The following CES5A variants were observed in gnomAD, a reference collection of about 807,000 sequenced individuals.
The protein encoded by CES5A is carboxylesterase 5.
Under a neutral mutation model 62.9 loss-of-function variants are expected in CES5A, and 67 were observed. The ratio of observed to expected loss-of-function variants is 1.07; its 90% confidence interval spans 0.88 to 1.31. The LOEUF is 1.31. Ranked by LOEUF, CES5A falls within the 50% of genes most tolerant of loss-of-function variation. The probability of loss-of-function intolerance (pLI) is 0.00; values close to 1 mark genes in which losing one functional copy is unlikely to be tolerated. For synonymous variants in CES5A, 296 were observed against 280.8 expected (o/e 1.05, Z -0.54); for missense variants, 748 against 708.5 (o/e 1.06, Z -0.63).
At chr16:55,886,807 C>T (rs562148147) in intron 1 of CES5A, among the ~76,000 whole-genome samples, 1 of 152,224 alleles carries the variant, frequency 6.6e-6, no homozygotes, top group African/African-American at 2.4e-5. Context: ...CCTTTGTCAA[C>T]AATACCACCT....
At chr16:55,863,567 AG>A in intron 5 of CES5A, 115 bp from the exon 6 acceptor site, 2 of 660,868 alleles carry the variant, frequency 3.0e-6, no homozygotes, top group Non-Finnish European at 5.5e-6. Context: ...CTAAGCTTAG[AG>A]GGGAAAAAAG....
chr16:55,894,844 G>A (rs753085704), intron 1 of CES5A, among the ~76,000 whole-genome samples: 2 of 152,060 alleles, frequency 1.3e-5, no homozygotes, highest in African/African-American at 4.8e-5. Context: ...TGCCTCCTGG[G>A]ACAAAGAATA....
chr16:55,849,038 A>G (rs2397800), intron 11 of CES5A, among the ~76,000 whole-genome samples: 107,283 of 152,088 alleles, frequency 0.71, 37,980 homozygotes, highest in East Asian at 0.78. Context: ...AATGTTTCTA[A>G]CTAAATATTT....
At chr16:55,927,405 A>G (rs2192851), upstream of CES5A, among the ~76,000 whole-genome samples, 1,230 of 152,362 alleles carry the variant, frequency 8.1e-3, 17 homozygotes, top group African/African-American at 0.024. Context: ...AAGGAACTCA[A>G]CAAATCAGCA....
intron 2 of CES5A, among the ~76,000 whole-genome samples, chr16:55,931,041 T>A (rs1480394909): frequency 6.6e-6 from 1 of 152,234 alleles, no homozygotes; most frequent in East Asian, 1.9e-4. Flanking sequence ...AACCCCATTT[T>A]CCATATGGAG....
chr16:55,853,020 C>G lies in CES5A; in HGVS notation c.1134G>C (p.Pro378=). The change falls in exon 10 of 13, where the codon CCG becomes CCC. Residue 378 remains proline (P), a synonymous_variant. Coordinates refer to ENST00000290567, the MANE Select transcript of CES5A (RefSeq NM_001143685.2). ...TAGCCACAAGGTGCAAATACTGAGG[C>G]GGGATGTGCTGTAAAAATATCGTAG... is the stretch of plus-strand genomic sequence containing the variant. ...LHLIQNILHI[P]PQYLHLVANE... 1 of 1,613,992 alleles carries G rather than the reference C, an allele frequency of 6.2e-7. No homozygotes were observed. Among genetic ancestry groups the G allele is most frequent in the Non-Finnish European group, 8.5e-7 (1 of 1,179,968 alleles).
chr16:55,936,012 C>T (rs1324364402), intron 2 of CES5A, among the ~76,000 whole-genome samples: 6 of 152,122 alleles, frequency 3.9e-5, no homozygotes, highest in African/African-American at 1.2e-4. Flanking sequence ...GTAGATGGGT[C>T]TTTAACAGTC....
intron 1 of CES5A, among the ~76,000 whole-genome samples, chr16:55,901,708 A>G: frequency 6.6e-6 from 1 of 152,182 alleles, no homozygotes; most frequent in South Asian, 2.1e-4. Flanking sequence ...GAATTTCCCC[A>G]GCTTCCCCCT....
chr16:55,953,967 T>C (rs2034583132), intron 1 of CES5A, among the ~76,000 whole-genome samples: 1 of 152,192 alleles, frequency 6.6e-6, no homozygotes, highest in South Asian at 2.1e-4. Flanking sequence ...TGTTGTGCTA[T>C]CAAATACTAG....
intron 2 of CES5A, among the ~76,000 whole-genome samples, chr16:55,937,908 T>A (rs999156383): frequency 6.6e-6 from 1 of 152,200 alleles, no homozygotes; most frequent in Non-Finnish European, 1.5e-5. Flanking sequence ...GCCTCATCTA[T>A]GTGCCAAAAA....
intron 1 of CES5A, among the ~76,000 whole-genome samples, chr16:55,908,704 CT>C (rs1160205692): frequency 6.6e-6 from 1 of 152,214 alleles, no homozygotes; most frequent in Non-Finnish European, 1.5e-5. Flanking sequence ...TAATCTTTCC[CT>C]TCTTGCTACC....
chr16:55,851,843 A>G (rs1174387345), intron 10 of CES5A, among the ~76,000 whole-genome samples: 1 of 152,246 alleles, frequency 6.6e-6, no homozygotes, highest in Non-Finnish European at 1.5e-5. Context: ...ATACAATGGA[A>G]CATTAGTCAG....
intron 1 of CES5A, among the ~76,000 whole-genome samples, chr16:55,901,511 G>C (rs2033990370): frequency 2.0e-5 from 3 of 152,130 alleles, no homozygotes; most frequent in Admixed American, 1.3e-4. Flanking sequence ...AAATACACAA[G>C]GCTGCCCAAC....
At chr16:55,899,773 T>C (rs1161477445) in intron 1 of CES5A, among the ~76,000 whole-genome samples, 2 of 152,088 alleles carry the variant, frequency 1.3e-5, no homozygotes, top group Non-Finnish European at 2.9e-5. Flanking sequence ...CCACCAAACA[T>C]CCCACAGGGC....
intron 1 of CES5A, among the ~76,000 whole-genome samples, chr16:55,895,596 T>C (rs1198385747): frequency 1.3e-5 from 2 of 152,238 alleles, no homozygotes; most frequent in African/African-American, 2.4e-5. Flanking sequence ...CATTGTTATC[T>C]TGGAAGCAAA....
intron 1 of CES5A, among the ~76,000 whole-genome samples, chr16:55,895,626 T>C (rs1398719207): frequency 6.7e-6 from 1 of 148,350 alleles, no homozygotes; most frequent in Non-Finnish European, 1.5e-5. Flanking sequence ...GCTTTTTTTG[T>C]TTGTTTGTTA....
intron 2 of CES5A, among the ~76,000 whole-genome samples, chr16:55,937,572 T>C (rs1015417260): frequency 1.3e-5 from 2 of 152,190 alleles, no homozygotes; most frequent in East Asian, 3.9e-4. Context: ...GACTGCCAGT[T>C]GGCTGAGTGA....
intron 1 of CES5A, among the ~76,000 whole-genome samples, chr16:55,922,457 A>G (rs1483841107): frequency 1.4e-4 from 21 of 151,996 alleles, no homozygotes; most frequent in Non-Finnish European, 1.5e-5. Flanking sequence ...AAAGGCCACT[A>G]CGTAATGATA....
At chr16:55,874,146 G>A in intron 1 of CES5A, 109 bp from the exon 2 acceptor site, 1 of 955,388 alleles carries the variant, frequency 1.0e-6, no homozygotes, top group Non-Finnish European at 1.6e-6. Flanking sequence ...CTCAGAAGTT[G>A]TGCAGCTGGT....
Sources: allele counts gnomAD v4.1 joint callset (sites outside exome capture counted in the v4.1 genomes callset), GRCh38; gene constraint gnomAD v4.1.1; transcripts MANE v1.5; gene names NCBI Gene and HGNC (gene_info 2026-07-23, HGNC 2026-07-21).